Variants in SS18L1 observed in about 807,000 individuals in gnomAD.
SS18L1 encodes the protein calcium-responsive transactivator.
SS18L1 carries 32 observed loss-of-function variants against 70.3 expected under a neutral mutation model. That is an observed-to-expected ratio of 0.46 (90% CI 0.34 to 0.61). The LOEUF is 0.61. SS18L1 is among the 20% of genes least tolerant of loss of function. SS18L1 has a pLI of 0.01. For synonymous variants in SS18L1, 237 were observed against 229.7 expected, an observed-to-expected ratio of 1.03 and a Z score of -0.29; for missense variants, 430 against 542.1, an observed-to-expected ratio of 0.79 and a Z score of 2.05.
intron 8 of SS18L1, among the ~76,000 whole-genome samples, chr20:62,168,616 C>T (rs6061446): frequency 0.17 from 26,152 of 151,806 alleles, 3,240 homozygotes; most frequent in African/African-American, 0.35. Flanking sequence ...CCTGAGAGGT[C>T]GAGACCAGCC....
chr20:62,144,048 C>G (rs2056974132), intron 1 of SS18L1, among the ~76,000 whole-genome samples, 159 bp downstream of exon 1: 1 of 148,476 alleles, frequency 6.7e-6, no homozygotes, highest in Admixed American at 6.7e-5. Flanking sequence ...TTCCCCGCGT[C>G]CCACGCCTGC....
chr20:62,165,590 A>G lies in SS18L1; in HGVS notation c.916+76A>G, dbSNP rs2057414746. 7 of 1,384,362 alleles carry G rather than the reference A, an allele frequency of 5.1e-6. No individual in the cohort carries two copies. In the South Asian group the frequency reaches 7.3e-5, roughly 14 times the overall value. The allele number at this position is 1,384,362 out of a possible 1,614,324, so 85.8% of individuals were successfully genotyped here. On this transcript the variant is annotated intron_variant, in intron 8 of 10. Coordinates refer to ENST00000331758, the MANE Select transcript of SS18L1 (RefSeq NM_198935.3). ...AGAGTTAAGACGCTGCACCCTTAGG[A>G]GCACGCGGTGCCTGCCTTCAGTGAG...
At chr20:62,171,380 C>T (rs948031236) in intron 8 of SS18L1, among the ~76,000 whole-genome samples, 1 of 152,168 alleles carries the variant, frequency 6.6e-6, no homozygotes, top group Non-Finnish European at 1.5e-5. Flanking sequence ...GGTGACAGCT[C>T]GTTTGCCAGC....
intron 6 of SS18L1, 98 bp downstream of exon 6, chr20:62,163,720 G>A (rs988383411): frequency 2.1e-6 from 3 of 1,416,026 alleles, no homozygotes; most frequent in African/African-American, 3.1e-5. Context: ...CTGGGGGAGT[G>A]AGGCGGGGAG....
chr20:62,161,901 A>G lies in SS18L1; in HGVS notation c.376+321A>G, dbSNP rs1378038628. 6.6e-6 allele frequency among the ~76,000 whole-genome samples: 1 copy of G among 152,242 alleles called. No individual in the cohort carries two copies. The highest frequency in any genetic ancestry group is 1.5e-5 in the Non-Finnish European group (1 of 68,038). ...TGCTCCTGTCTTTGGATTGAGAAGC[A>G]TGGATAACGTTTGGAGACCATTAAC... On this transcript the variant is annotated intron_variant, in intron 4 of 10. Coordinates refer to ENST00000331758, the MANE Select transcript of SS18L1 (RefSeq NM_198935.3). The surrounding 1 kb of genome is among the most constrained non-coding windows in gnomAD (Gnocchi z 4.4).
chr20:62,147,264 G>T (rs1412896766), intron 1 of SS18L1, among the ~76,000 whole-genome samples: 1 of 152,174 alleles, frequency 6.6e-6, no homozygotes, highest in African/African-American at 2.4e-5. Flanking sequence ...GTGTGGGTGA[G>T]ACAGTCAGAA....
At chr20:62,152,277 G>T (rs567903552) in intron 1 of SS18L1, among the ~76,000 whole-genome samples, 1 of 152,152 alleles carries the variant, frequency 6.6e-6, no homozygotes, top group Non-Finnish European at 1.5e-5. Flanking sequence ...CCTCACTGTC[G>T]CCTCCACTCA....
chr20:62,159,447 A>G lies in SS18L1; in HGVS notation c.147-430A>G, dbSNP rs1484262540. 1.3e-5 allele frequency among the ~76,000 whole-genome samples: 2 copies of G among 151,884 alleles called. No individual in the cohort carries two copies. Among genetic ancestry groups the G allele is most frequent in the African/African-American group, 4.8e-5 (2 of 41,372 alleles). ...TTCCCTGGCAGAACTGTGCTTCCCC[A>G]TTTCTTTCCAGGGCTTTCTCAGGGT... On this transcript the variant is annotated intron_variant, in intron 2 of 10. Coordinates refer to ENST00000331758, the MANE Select transcript of SS18L1 (RefSeq NM_198935.3). The surrounding 1 kb of genome is among the most constrained non-coding windows in gnomAD (Gnocchi z 4.4).
At chr20:62,156,152 C>T (rs555727093) in intron 1 of SS18L1, among the ~76,000 whole-genome samples, 13 of 152,314 alleles carry the variant, frequency 8.5e-5, no homozygotes, top group African/African-American at 2.2e-4. Flanking sequence ...TTGCGCCCCC[C>T]GGCCCATCCC....
At chr20:62,156,254 G>A (rs2057221495) in intron 1 of SS18L1, among the ~76,000 whole-genome samples, 1 of 152,172 alleles carries the variant, frequency 6.6e-6, no homozygotes, top group South Asian at 2.1e-4. Context: ...AGTCAAGGAG[G>A]GGAAGCCCTT....
At position 62,164,157 on chromosome 20, in the gene SS18L1, A is replaced by G. The variant is rs2057384069; in HGVS notation, c.734A>G (p.Gln245Arg). The stretch of plus-strand genomic sequence containing the variant: ...GGTTCCCCCGCAGGCTCTTCCCAGC[A>G]GTACCTGGGCCAGGAGGAGTACTAT... ...YRPSQQGSSQ[Q>R]YLGQEEYYGE... Residue 245 changes from glutamine to arginine, a missense_variant, in exon 7 of 11, where the codon CAG becomes CGG. By Grantham distance (43) the Gln-to-Arg change is conservative. Coordinates refer to ENST00000331758, the MANE Select transcript of SS18L1 (RefSeq NM_198935.3). The G allele has an allele frequency of 1.3e-6, 2 of 1,550,004 alleles. No homozygotes were observed. The highest frequency in any genetic ancestry group is 1.7e-6 in the Non-Finnish European group (2 of 1,146,544).
chr20:62,175,940 G>C (rs542160692), intron 10 of SS18L1, among the ~76,000 whole-genome samples: 2 of 152,360 alleles, frequency 1.3e-5, no homozygotes, highest in East Asian at 3.9e-4. Flanking sequence ...CACTGTAGCC[G>C]ACGCAGGGGC....
chr20:62,160,327 AGAGGTGGGG>A (rs2057303295), intron 3 of SS18L1, among the ~76,000 whole-genome samples: 1 of 37,684 alleles, frequency 2.7e-5, no homozygotes, highest in Non-Finnish European at 4.6e-5. Context: ...AGAGGTGGAG[AGAGGTGGGG>A]TGGGGAGAGG....
At chr20:62,175,679 A>G (rs751440126) in intron 10 of SS18L1, among the ~76,000 whole-genome samples, 1 of 152,226 alleles carries the variant, frequency 6.6e-6, no homozygotes, top group Non-Finnish European at 1.5e-5. Flanking sequence ...TCAAAGCACT[A>G]CATCGCTCAA....
intron 10 of SS18L1, chr20:62,175,251 A>G: frequency 4.1e-6 from 4 of 985,384 alleles, no homozygotes; most frequent in Non-Finnish European, 4.8e-6. Context: ...AGCTTGGAAG[A>G]TGGAAGAGCG....
intron 1 of SS18L1, among the ~76,000 whole-genome samples, chr20:62,145,840 G>A (rs1216878686): frequency 6.6e-6 from 1 of 152,182 alleles, no homozygotes. Context: ...TGAGAAAGGT[G>A]TGAGAGGTGT....
Position 62,179,255 on chromosome 20 carries a change from G to A in SS18L1, c.*47G>A, listed in dbSNP as rs1601068710. ...GCCCTTGTGGTAGCGTGTTCATCCA[G>A]GGGCCGGATGGGCTGGCGGCAGCTC... On this transcript the variant is annotated 3_prime_UTR_variant, in exon 11 of 11. Coordinates refer to ENST00000331758, the MANE Select transcript of SS18L1 (RefSeq NM_198935.3). 1.9e-6 allele frequency: 3 copies of A among 1,610,200 alleles called. No individual in the cohort carries two copies. In the East Asian group the frequency reaches 6.7e-5, roughly 36 times the overall value.
rs2057268583 is a variant in SS18L1, at chr20:62,158,738, G to A, written c.136G>A (p.Glu46Lys). ...LEYQSKGKTAECTQYQQILHR... is the reference protein window; with the variant it reads ...LEYQSKGKTAKCTQYQQILHR... ...GTACCAGAGCAAGGGCAAGACGGCC[G>A]AGTGCACGCAGTGAGTGCCCGCCAT... The change falls in exon 2 of 11, where the codon GAG (glutamate) becomes AAG (lysine). Residue 46 changes from glutamate to lysine, a missense_variant. Glu to Lys is a moderately conservative substitution (Grantham distance 56, BLOSUM62 1). Transcript: ENST00000331758. The surrounding 1 kb of genome is among the most constrained non-coding windows in gnomAD (Gnocchi z 4.5). The A allele has an allele frequency of 1.2e-6, 2 of 1,612,846 alleles. No homozygotes were observed. Among genetic ancestry groups the A allele is most frequent in the Non-Finnish European group, 1.7e-6 (2 of 1,180,034 alleles).
intron 4 of SS18L1, 58 bp from the exon 5 acceptor site, chr20:62,162,691 CCTT>C (rs2057351003): frequency 6.5e-7 from 1 of 1,540,334 alleles, no homozygotes; most frequent in South Asian, 1.2e-5. Context: ...GGTGTCTTCA[CCTT>C]CAGAAGTGGT....
Sources: gnomAD v4.1 joint callset for allele counts (sites outside exome capture counted in the v4.1 genomes callset) on GRCh38, gnomAD v4.1.1 for gene constraint, Gnocchi (gnomAD v3.1) non-coding constraint, MANE v1.5 for transcripts, NCBI Gene and HGNC (gene_info 2026-07-23, HGNC 2026-07-21) for gene names.